The following ARHGEF3 variants were observed in gnomAD, a reference collection of about 807,000 sequenced individuals.
ARHGEF3 encodes 59.8 kDA protein.
A neutral mutation model predicts 63.2 loss-of-function variants in ARHGEF3; 28 were observed. That is an observed-to-expected ratio of 0.44 (90% CI 0.33 to 0.61). ARHGEF3 has a LOEUF of 0.61. Among genes scored for constraint, ARHGEF3 ranks in the 20% least tolerant of loss-of-function variants. The pLI is 0.03. For synonymous variants in ARHGEF3, 266 were observed against 254.2 expected, an observed-to-expected ratio of 1.05 and a Z score of -0.44; for missense variants, 533 against 659.3, an observed-to-expected ratio of 0.81 and a Z score of 2.10.
intron 1 of ARHGEF3, among the ~76,000 whole-genome samples, chr3:56,792,035 G>C (rs1388933894): frequency 6.6e-6 from 1 of 150,854 alleles, no homozygotes; most frequent in Non-Finnish European, 1.5e-5. Context: ...GAACCCAGGA[G>C]GCAGAGGTTG....
chr3:56,990,140 T>A (rs1411381363), intron 2 of ARHGEF3, among the ~76,000 whole-genome samples: 1 of 152,158 alleles, frequency 6.6e-6, no homozygotes, highest in African/African-American at 2.4e-5. Flanking sequence ...AGTTTCCATA[T>A]GCAAAGTGCA....
In ARHGEF3 at chr3:56,755,115, T is replaced by C. The variant is rs758791802; in HGVS notation, c.241A>G (p.Ile81Val). 6.2e-7 allele frequency: 1 copy of C among 1,613,758 alleles called. No homozygotes were observed. Among genetic ancestry groups the C allele is most frequent in the Non-Finnish European group, 8.5e-7 (1 of 1,180,024 alleles). Residue 81 changes from isoleucine to valine, a missense_variant, in exon 3 of 10, where the codon ATC becomes GTC. By Grantham distance (29) the Ile-to-Val change is conservative. Coordinates refer to ENST00000296315, the MANE Select transcript of ARHGEF3 (RefSeq NM_019555.3). ...CTGGACCAGGGTCGGGGGGCGAGGA[T>C]GTCAGGGCGGCTCTCACTGCGGAAG... ...ISFRSESRPD[I>V]LAPRPWSRNA...
chr3:56,913,107 C>T (rs998644242), intron 3 of ARHGEF3, among the ~76,000 whole-genome samples: 12 of 151,566 alleles, frequency 7.9e-5, no homozygotes, highest in Non-Finnish European at 1.3e-4. Context: ...CCACTGCACT[C>T]GAGCCTGGGC....
At chr3:56,987,676 A>T (rs1197839491) in intron 2 of ARHGEF3, among the ~76,000 whole-genome samples, 2 of 152,102 alleles carry the variant, frequency 1.3e-5, no homozygotes, top group Non-Finnish European at 2.9e-5. Flanking sequence ...AGCAGAGTTG[A>T]TCTAGAAGGA....
At chr3:56,906,845 AAAAG>A (rs1295502057) in intron 3 of ARHGEF3, among the ~76,000 whole-genome samples, 8 of 151,860 alleles carry the variant, frequency 5.3e-5, no homozygotes, top group African/African-American at 9.7e-5. Flanking sequence ...TCAAAAAAAA[AAAAG>A]AAAGAAAGAA....
intron 3 of ARHGEF3, among the ~76,000 whole-genome samples, chr3:56,931,304 A>ACT (rs777775399): frequency 1.7e-3 from 261 of 152,182 alleles, no homozygotes; most frequent in Non-Finnish European, 2.7e-3. Flanking sequence ...GGCCAGGTGC[A>ACT]GTGGCTCACG....
rs371573429 is a variant in ARHGEF3 at position 56,833,925 on chromosome 3, C to CG, written c.192+48366_192+48367insC. Among the ~76,000 whole-genome samples, 3 of 150,568 alleles carry CG rather than the reference C, an allele frequency of 2.0e-5. 1 individual carries two copies. Among genetic ancestry groups the CG allele is most frequent in the East Asian group, 4.0e-4 (2 of 4,968 alleles). ...TTCCAATATTCTTTGTTTTCCCCCCCCAATTTTTACTCTTGTCACCCAGGT... is the reference window on the plus strand; with the variant it reads ...TTCCAATATTCTTTGTTTTCCCCCCCGCAATTTTTACTCTTGTCACCCAGGT... On this transcript the variant is annotated intron_variant, in intron 4 of 12. Transcript: ENST00000338458.
intron 1 of ARHGEF3, among the ~76,000 whole-genome samples, chr3:57,076,283 T>C (rs1706218400): frequency 6.6e-6 from 1 of 151,576 alleles, no homozygotes; most frequent in Non-Finnish European, 1.5e-5. Flanking sequence ...TTCTGCTTCA[T>C]GCTTCTTTGC....
intron 2 of ARHGEF3, among the ~76,000 whole-genome samples, chr3:57,008,678 G>T (rs1226250724): frequency 6.6e-6 from 1 of 151,920 alleles, no homozygotes; most frequent in Non-Finnish European, 1.5e-5. Context: ...CTCCATGTTG[G>T]CCAGGCCGGT....
chr3:56,955,485 G>T (rs141328668), intron 3 of ARHGEF3, among the ~76,000 whole-genome samples: 100 of 152,302 alleles, frequency 6.6e-4, no homozygotes, highest in African/African-American at 2.4e-3. Context: ...TTACAGGCAT[G>T]AGCCACTGCG....
intron 4 of ARHGEF3, among the ~76,000 whole-genome samples, chr3:56,875,094 G>A (rs1042171077): frequency 6.6e-6 from 1 of 152,148 alleles, no homozygotes; most frequent in Non-Finnish European, 1.5e-5. Context: ...CTAGCTGTAA[G>A]GCCTCAGGCA....
At chr3:56,939,316 G>C (rs1401110620) in intron 3 of ARHGEF3, among the ~76,000 whole-genome samples, 1 of 152,172 alleles carries the variant, frequency 6.6e-6, no homozygotes, top group Non-Finnish European at 1.5e-5. Flanking sequence ...CTCAGTTCTC[G>C]ACATCACCAT....
At position 56,821,856 on chromosome 3, in the gene ARHGEF3, C is replaced by T. The variant is rs113339144; in HGVS notation, c.193-48040G>A. Among the ~76,000 whole-genome samples, 1,428 of 151,932 alleles carry T rather than the reference C, an allele frequency of 9.4e-3. 14 individuals carry two copies. The highest frequency in any genetic ancestry group is 0.027 in the African/African-American group (1,139 of 41,442). On this transcript the variant is annotated intron_variant, in intron 4 of 12. Coordinates refer to the ARHGEF3 transcript ENST00000338458. ...GGGCAAGCCTGTAGTACTAGGTACT[C>T]GGGAGGCTGAGGCAGGAGAATCGCT...
intron 7 of ARHGEF3, 140 bp from the exon 8 acceptor site, chr3:56,737,495 G>GAA (rs11443478): frequency 0.052 from 23,772 of 458,628 alleles, 2 homozygotes; most frequent in East Asian, 0.15. Context: ...TGGGAAAAGA[G>GAA]AAAAAAAAAA....
upstream of ARHGEF3, among the ~76,000 whole-genome samples, chr3:56,802,435 G>A (rs1559954315): frequency 6.6e-6 from 1 of 152,016 alleles, no homozygotes; most frequent in Non-Finnish European, 1.5e-5. Context: ...GTTTTTGTTT[G>A]GTTTTTTAAA....
At position 56,957,884 on chromosome 3, in the gene ARHGEF3, C is replaced by T. The variant is rs149706786; in HGVS notation, c.129+939G>A. On this transcript the variant is annotated intron_variant, in intron 3 of 12. Coordinates refer to the ARHGEF3 transcript ENST00000338458. ...TGCTCCTGAGATTAGCGCTAGAATT[C>T]ACTTTAGCACACAGCAGGACCTCCA... is the stretch of plus-strand genomic sequence containing the variant. 6.4e-4 allele frequency among the ~76,000 whole-genome samples: 97 copies of T among 152,272 alleles called. 2 individuals carry two copies. The South Asian group carries it at 0.017, about 26-fold the overall frequency.
intron 3 of ARHGEF3, chr3:56,940,045 G>C (rs1699099032): frequency 6.6e-6 from 1 of 152,182 alleles, no homozygotes; most frequent in African/African-American, 2.4e-5. Flanking sequence ...CTGAGAGAGA[G>C]AGAAGGCTGT....
chr3:56,787,677 G>A (rs1216460215), intron 1 of ARHGEF3, among the ~76,000 whole-genome samples: 8 of 151,688 alleles, frequency 5.3e-5, no homozygotes, highest in South Asian at 2.1e-4. Context: ...AACTTTCCCC[G>A]CCACCCCGAC....
intron 2 of ARHGEF3, among the ~76,000 whole-genome samples, chr3:56,762,519 C>T (rs1431912954): frequency 6.6e-6 from 1 of 152,112 alleles, no homozygotes; most frequent in African/African-American, 2.4e-5. Flanking sequence ...GCGCTTTACA[C>T]GTGTCAGAGG....
Sources: gnomAD v4.1 joint callset for allele counts (sites outside exome capture counted in the v4.1 genomes callset) on GRCh38, gnomAD v4.1.1 for gene constraint, MANE v1.5 for transcripts, NCBI Gene and HGNC (gene_info 2026-07-23, HGNC 2026-07-21) for gene names.